Variants in SIGLEC9 observed in about 807,000 individuals in gnomAD.
SIGLEC9 encodes the protein sialic acid binding Ig like lectin 9.
SIGLEC9 carries 26 observed loss-of-function variants against 38.3 expected under a neutral mutation model. That is an observed-to-expected ratio of 0.68 (90% confidence interval 0.50 to 0.94). SIGLEC9 has a LOEUF of 0.94. Ranked by LOEUF, SIGLEC9 falls within the 40% of genes least tolerant of loss-of-function variation. SIGLEC9 has a pLI of 0.00. For synonymous variants in SIGLEC9, 236 were observed against 248.0 expected, an observed-to-expected ratio of 0.95 and a Z score of 0.45; for missense variants, 556 against 585.7, an observed-to-expected ratio of 0.95 and a Z score of 0.52.
Position 51,125,663 on chromosome 19 carries a change from C to A in SIGLEC9, c.488C>A (p.Thr163Asn). The change falls in exon 2 of 7, where the codon ACC becomes AAC. Residue 163 changes from threonine (T) to asparagine (N), a missense_variant. Physicochemically the swap from Thr to Asn is moderately conservative, Grantham distance 65. Coordinates refer to ENST00000250360, the MANE Select transcript of SIGLEC9 (RefSeq NM_014441.3). ...TLESGCPQNL[T>N]CSVPWACEQG... ...GAGTCCGGCTGCCCCCAGAATCTGA[C>A]CTGCTCTGTGCCCTGGGCCTGTGAG... 1.2e-6 allele frequency: 2 copies of A among 1,613,878 alleles called. No individual in the cohort carries two copies. Among genetic ancestry groups the A allele is most frequent in the Non-Finnish European group, 1.7e-6 (2 of 1,180,012 alleles).
chr19:51,130,511 T>C (rs2092009694), downstream of SIGLEC9, among the ~76,000 whole-genome samples: 1 of 152,180 alleles, frequency 6.6e-6, no homozygotes, highest in Non-Finnish European at 1.5e-5. Context: ...AGTACTTATA[T>C]GTCTGTGTCA....
rs982081640 is a variant in SIGLEC9 at position 51,130,139 on chromosome 19, CAG to C, written c.*63_*64del. On this transcript the variant is annotated 3_prime_UTR_variant, in exon 7 of 7. Coordinates refer to ENST00000250360, the MANE Select transcript of SIGLEC9 (RefSeq NM_014441.3). The stretch of plus-strand genomic sequence containing the variant: ...CAGCCCCTCCAGGCAAGGGAGAAGT[CAG>C]AGGCTGATTCTTGTAGAATTAACAG... 2 of 1,530,638 alleles carry C rather than the reference CAG, an allele frequency of 1.3e-6. No individual in the cohort carries two copies. Among genetic ancestry groups the C allele is most frequent in the African/African-American group, 2.8e-5 (2 of 72,170 alleles). 94.8% of individuals were successfully genotyped at this position (1,530,638 alleles called of 1,614,324 possible).
At chr19:51,121,570 G>C (rs1459198502), upstream of SIGLEC9, among the ~76,000 whole-genome samples, 1 of 148,444 alleles carries the variant, frequency 6.7e-6, no homozygotes, top group Non-Finnish European at 1.5e-5. Context: ...GCATGACCAG[G>C]CCCTTTGCTG....
intron 6 of SIGLEC9, chr19:51,135,903 T>C (rs772486702): frequency 2.2e-5 from 15 of 672,750 alleles, no homozygotes; most frequent in Non-Finnish European, 4.0e-5. Flanking sequence ...ATTTTTGCAG[T>C]TTTTCAGCTC....
In SIGLEC9 at chr19:51,129,988, C is replaced by G. The variant is rs774244081; in HGVS notation, c.1301C>G (p.Ala434Gly). The G allele has an allele frequency of 1.9e-6, 3 of 1,614,094 alleles. No individual in the cohort carries two copies. The highest frequency in any genetic ancestry group is 2.2e-5 in the South Asian group (2 of 91,082). ...GTGGGGGAAGGAGAGCTCCAGTATG[C>G]ATCCCTCAGCTTCCAGATGGTGAAG... Reference protein sequence around the residue: ...SSVGEGELQYASLSFQMVKPW... With the variant: ...SSVGEGELQYGSLSFQMVKPW... Residue 434 changes from alanine (A) to glycine (G), a missense_variant, in exon 7 of 7, where the codon GCA becomes GGA. Transcript: ENST00000250360.
downstream of SIGLEC9, among the ~76,000 whole-genome samples, chr19:51,134,046 A>G (rs1290235330): frequency 6.6e-6 from 1 of 152,066 alleles, no homozygotes; most frequent in Non-Finnish European, 1.5e-5. Context: ...ACAGAAATTC[A>G]TAACAGTGAC....
chr19:51,126,158 A>G (rs776360864), intron 3 of SIGLEC9, 30 bp downstream of exon 3: 1 of 1,602,160 alleles, frequency 6.2e-7, no homozygotes, highest in Non-Finnish European at 8.6e-7. Flanking sequence ...CTGGGGCTGG[A>G]GGAGCAGGGC....
In SIGLEC9 at chr19:51,129,381, A is replaced by G. The variant is rs543446786; in HGVS notation, c.1204-510A>G. ...TCACTGTGTTAGCCAGGATGGTCTC[A>G]GTCTCCTGACCTTGTGATCTGCCCA... is the stretch of plus-strand genomic sequence containing the variant. On this transcript the variant is annotated intron_variant, in intron 6 of 6. Transcript: ENST00000250360. Among the ~76,000 whole-genome samples the G allele has an allele frequency of 4.6e-3, 705 of 151,832 alleles. 8 individuals carry two copies. Among genetic ancestry groups the G allele is most frequent in the African/African-American group, 0.015 (609 of 41,276 alleles).
intron 6 of SIGLEC9, among the ~76,000 whole-genome samples, chr19:51,129,138 CTTTT>C (rs1220098385): frequency 7.0e-6 from 1 of 142,664 alleles, no homozygotes; most frequent in Non-Finnish European, 1.5e-5. Flanking sequence ...CACATTCTGA[CTTTT>C]TTTGTTTTTT....
chr19:51,128,262 G>C (rs2122848552), intron 5 of SIGLEC9, 152 bp from the exon 6 acceptor site: 1 of 972,890 alleles, frequency 1.0e-6, no homozygotes, highest in East Asian at 2.6e-5. Flanking sequence ...GAGAGCCTCT[G>C]TTCTCAACCT....
At chr19:51,125,931 C>G in intron 2 of SIGLEC9, 56 bp downstream of exon 2, 1 of 1,608,292 alleles carries the variant, frequency 6.2e-7, no homozygotes, top group Non-Finnish European at 8.5e-7. Context: ...CAAGCCTGGA[C>G]ACTGGGTGCT....
chr19:51,128,421 T>C lies in SIGLEC9; in HGVS notation c.1114T>C (p.Ser372Pro). 6.2e-7 allele frequency: 1 copy of C among 1,613,906 alleles called. No individual in the cohort carries two copies. Among genetic ancestry groups the C allele is most frequent in the South Asian group, 1.1e-5 (1 of 91,076 alleles). ...SFCVIFVVVR[S>P]CRKKSARPAA... ...TCTGGTCTCTTCACTCAGAGTGAGG[T>C]CCTGCAGGAAGAAATCGGCAAGGCC... Residue 372 changes from serine to proline, a missense_variant, in exon 6 of 7, where the codon TCC becomes CCC. Coordinates refer to ENST00000250360, the MANE Select transcript of SIGLEC9 (RefSeq NM_014441.3).
chr19:51,136,231 G>C (rs1445341222), exon 7 of SIGLEC9: 2 of 698,538 alleles, frequency 2.9e-6, no homozygotes, highest in Non-Finnish European at 5.2e-6. Flanking sequence ...GCTGTTCTTT[G>C]GATAGGGCTC....
At position 51,125,185 on chromosome 19, in the gene SIGLEC9, G is replaced by A. The variant is rs2091968373; in HGVS notation, c.211G>A (p.Asp71Asn). The A allele has an allele frequency of 6.2e-7, 1 of 1,614,040 alleles. No homozygotes were observed. The highest frequency in any genetic ancestry group is 8.5e-7 in the Non-Finnish European group (1 of 1,179,990). The stretch of plus-strand genomic sequence containing the variant: ...CCGGGAAGGGGCCAATACAGACCAG[G>A]ATGCTCCAGTGGCCACAAACAACCC... The part of the protein sequence containing the change: ...WFREGANTDQ[D>N]APVATNNPAR... Residue 71 changes from aspartate (D) to asparagine (N), a missense_variant, in exon 1 of 7, where the codon GAT becomes AAT. Asp to Asn is a conservative substitution (Grantham distance 23, BLOSUM62 1). Transcript: ENST00000250360.
At chr19:51,129,221 C>T (rs949697248) in intron 6 of SIGLEC9, among the ~76,000 whole-genome samples, 5 of 147,938 alleles carry the variant, frequency 3.4e-5, no homozygotes, top group East Asian at 3.9e-4. Context: ...TGCAGTGGTG[C>T]GATCTCTGCT....
At chr19:51,131,855 G>T (rs960347861), downstream of SIGLEC9, among the ~76,000 whole-genome samples, 4 of 151,626 alleles carry the variant, frequency 2.6e-5, no homozygotes, top group African/African-American at 9.7e-5. Context: ...GGCGGAGGTT[G>T]CAGTGAGCTG....
intron 4 of SIGLEC9, among the ~76,000 whole-genome samples, 165 bp downstream of exon 4, chr19:51,127,461 T>C (rs1272481193): frequency 1.3e-5 from 2 of 152,138 alleles, no homozygotes; most frequent in Non-Finnish European, 2.9e-5. Flanking sequence ...GTCCTCTTCC[T>C]GCCAGGGAAG....
chr19:51,129,207 G>A (rs1488743488), intron 6 of SIGLEC9, among the ~76,000 whole-genome samples: 1 of 148,310 alleles, frequency 6.7e-6, no homozygotes, highest in East Asian at 1.9e-4. Context: ...CGCCCAGGCT[G>A]GAGTGCAGTG....
At chr19:51,129,042 G>A (rs2091997656) in intron 6 of SIGLEC9, 1 of 153,118 alleles carries the variant, frequency 6.5e-6, no homozygotes, top group South Asian at 2.0e-4. Flanking sequence ...CAAACATAAA[G>A]AGTGGGCTGG....
Sources: allele counts gnomAD v4.1 joint callset (sites outside exome capture counted in the v4.1 genomes callset), GRCh38; gene constraint gnomAD v4.1.1; transcripts MANE v1.5; gene names NCBI Gene and HGNC (gene_info 2026-07-23, HGNC 2026-07-21).